The following LINGO2 variants were observed in gnomAD, a reference collection of about 807,000 sequenced individuals.
LINGO2 encodes leucine rich repeat and Ig domain containing 2, also known as leucine-rich repeat and immunoglobulin-like domain-containing nogo receptor-interacting protein 2.
LINGO2 carries 14 observed loss-of-function variants against 30.6 expected under a neutral mutation model. The ratio of observed to expected loss-of-function variants is 0.46; its 90% CI spans 0.30 to 0.72. The LOEUF is 0.72. Ranked by LOEUF, LINGO2 falls within the 30% of genes least tolerant of loss-of-function variation. LINGO2 has a pLI of 0.07. For synonymous variants in LINGO2, 317 were observed against 288.5 expected, an observed-to-expected ratio of 1.10 and a Z score of -1.00; for missense variants, 729 against 751.7, an observed-to-expected ratio of 0.97 and a Z score of 0.35.
the LINGO2 span, among the ~76,000 whole-genome samples, chr9:29,183,550 A>C: frequency 6.6e-6 from 1 of 152,170 alleles, no homozygotes; most frequent in African/African-American, 2.4e-5. Context: ...TCTGAGAAAG[A>C]AGTGATAGTT....
At chr9:28,266,409 AG>A (rs1454815753) in intron 4 of LINGO2, among the ~76,000 whole-genome samples, 1 of 152,022 alleles carries the variant, frequency 6.6e-6, no homozygotes, top group Non-Finnish European at 1.5e-5. Flanking sequence ...TAATGGACAA[AG>A]GCCACTTAAA....
At chr9:27,988,002 A>G (rs1386575638) in intron 5 of LINGO2, among the ~76,000 whole-genome samples, 2 of 151,642 alleles carry the variant, frequency 1.3e-5, no homozygotes, top group African/African-American at 4.8e-5. Flanking sequence ...TCCCTCCTCC[A>G]TCCCTCCACC....
Position 28,303,115 on chromosome 9 carries a change from C to T in LINGO2, c.-245-7749G>A, listed in dbSNP as rs547856468. ...ATTTCTAATAGTTCCTTCCCCTAAACACTATATTCCACTTTATCCCAATAT... is the reference window on the plus strand; with the variant it reads ...ATTTCTAATAGTTCCTTCCCCTAAATACTATATTCCACTTTATCCCAATAT... On this transcript the variant is annotated intron_variant, in intron 3 of 5. Transcript: ENST00000379992. Among the ~76,000 whole-genome samples the T allele has an allele frequency of 3.9e-5, 6 of 152,266 alleles. No individual in the cohort carries two copies. The South Asian group carries it at 1.2e-3, about 32-fold the overall frequency.
chr9:28,996,145 T>A, the LINGO2 span, among the ~76,000 whole-genome samples: 1 of 149,630 alleles, frequency 6.7e-6, no homozygotes, highest in Non-Finnish European at 1.5e-5. Flanking sequence ...GACTGTGAAG[T>A]AAGGCCTCCT....
chr9:28,552,179 C>T (rs1047091347), intron 1 of LINGO2, among the ~76,000 whole-genome samples: 2 of 151,900 alleles, frequency 1.3e-5, no homozygotes, highest in African/African-American at 2.4e-5. Flanking sequence ...TCTCATCCTG[C>T]TGCAAATTAC....
chr9:28,120,033 G>C (rs968404187), intron 4 of LINGO2, among the ~76,000 whole-genome samples: 1 of 152,168 alleles, frequency 6.6e-6, no homozygotes, highest in Admixed American at 6.5e-5. Context: ...TGAAAGCTAT[G>C]AGCTATACTT....
chr9:28,101,819 A>T (rs1356089409), intron 4 of LINGO2, among the ~76,000 whole-genome samples: 1 of 152,178 alleles, frequency 6.6e-6, no homozygotes, highest in Non-Finnish European at 1.5e-5. Context: ...TGAACTAATG[A>T]TACATTTAGT....
chr9:28,316,580 C>A (rs1377728573), intron 3 of LINGO2, among the ~76,000 whole-genome samples: 2 of 152,084 alleles, frequency 1.3e-5, no homozygotes, highest in African/African-American at 4.8e-5. Flanking sequence ...CAAAAAAGAT[C>A]ATGTAAAATT....
chr9:28,980,435 G>A, the LINGO2 span, among the ~76,000 whole-genome samples: 1 of 151,986 alleles, frequency 6.6e-6, no homozygotes, highest in Non-Finnish European at 1.5e-5. Flanking sequence ...TCTGTATGAT[G>A]GCCAGAAAGA....
At chr9:28,558,856 C>T (rs1822890940) in intron 1 of LINGO2, among the ~76,000 whole-genome samples, 1 of 151,926 alleles carries the variant, frequency 6.6e-6, no homozygotes, top group Admixed American at 6.6e-5. Context: ...TGGTCTATTG[C>T]ATCCTTAGAA....
the LINGO2 span, among the ~76,000 whole-genome samples, chr9:28,878,708 C>T: frequency 6.6e-6 from 1 of 152,104 alleles, no homozygotes; most frequent in African/African-American, 2.4e-5. Flanking sequence ...AAATGTAATC[C>T]AGCATATAAA....
the LINGO2 span, among the ~76,000 whole-genome samples, chr9:28,796,001 C>T: frequency 6.6e-6 from 1 of 150,462 alleles, no homozygotes; most frequent in African/African-American, 2.4e-5. Context: ...CACACACACA[C>T]ACACACACAC....
the LINGO2 span, among the ~76,000 whole-genome samples, chr9:28,981,180 T>C: frequency 6.6e-6 from 1 of 152,076 alleles, no homozygotes; most frequent in African/African-American, 2.4e-5. Context: ...ATATGCATTG[T>C]TCAGTCCACC....
the LINGO2 span, among the ~76,000 whole-genome samples, chr9:28,853,792 A>G: frequency 6.6e-6 from 1 of 151,914 alleles, no homozygotes; most frequent in Admixed American, 6.6e-5. Flanking sequence ...AACCGCCCCT[A>G]TGATCCAATT....
At chr9:29,190,791 C>A in the LINGO2 span, among the ~76,000 whole-genome samples, 1 of 152,122 alleles carries the variant, frequency 6.6e-6, no homozygotes. Context: ...TATTAACTTT[C>A]CAAGCATTCC....
chr9:28,354,208 T>C (rs1319221220), intron 3 of LINGO2, among the ~76,000 whole-genome samples: 1 of 152,174 alleles, frequency 6.6e-6, no homozygotes, highest in Non-Finnish European at 1.5e-5. Flanking sequence ...TTAAGACATA[T>C]ATGTTTTTTA....
chr9:28,942,345 A>T, the LINGO2 span, among the ~76,000 whole-genome samples: 4 of 152,218 alleles, frequency 2.6e-5, no homozygotes, highest in Admixed American at 2.6e-4. Context: ...GCTGAGAAGC[A>T]AGTGCTCAGA....
the LINGO2 span, among the ~76,000 whole-genome samples, chr9:28,738,636 T>TA: frequency 1.5e-3 from 235 of 152,186 alleles, no homozygotes; most frequent in African/African-American, 5.2e-3. Flanking sequence ...TACCTATGAA[T>TA]ACAAAAATAG....
At chr9:29,142,837 T>C in the LINGO2 span, among the ~76,000 whole-genome samples, 8 of 151,876 alleles carry the variant, frequency 5.3e-5, no homozygotes, top group East Asian at 5.8e-4. Flanking sequence ...AAAGCGTCCA[T>C]TGAGAGAGGA....
Sources: gnomAD v4.1 joint callset for allele counts (sites outside exome capture counted in the v4.1 genomes callset) on GRCh38, gnomAD v4.1.1 for gene constraint, MANE v1.5 for transcripts, NCBI Gene and HGNC (gene_info 2026-07-23, HGNC 2026-07-21) for gene names.